The following VWC2 variants were observed in gnomAD, a reference collection of about 807,000 sequenced individuals.
VWC2 encodes the protein brorin.
A neutral mutation model predicts 29.8 loss-of-function variants in VWC2; 14 were observed. The observed-to-expected ratio is 0.47, with a 90% CI of 0.31 to 0.74. The LOEUF (loss-of-function observed/expected upper bound fraction) is 0.74, where lower values mean the gene tolerates loss of function less well. VWC2 is among the 30% of genes least tolerant of loss of function. The probability of loss-of-function intolerance (pLI) is 0.05; values close to 1 mark genes in which losing one functional copy is unlikely to be tolerated. For synonymous variants in VWC2, 213 were observed against 199.0 expected, an observed-to-expected ratio of 1.07 and a Z score of -0.59; for missense variants, 457 against 459.8, an observed-to-expected ratio of 0.99 and a Z score of 0.05.
rs183017042 is a variant in VWC2, at chr7:49,865,600, C to G, written c.827-46434C>G. On this transcript the variant is annotated intron_variant, in intron 3 of 3. Coordinates refer to ENST00000340652, the MANE Select transcript of VWC2 (RefSeq NM_198570.5). The stretch of plus-strand genomic sequence containing the variant: ...GACTCCAAAAAGCATCAAGAGAGGG[C>G]AAACTCCAATATGCAAGTATTTTTG... Among the ~76,000 whole-genome samples, 3 of 152,324 alleles carry G rather than the reference C, an allele frequency of 2.0e-5. No individual in the cohort carries two copies. In the East Asian group the frequency reaches 5.8e-4, roughly 29 times the overall value.
chr7:49,911,830 G>A (rs941594251), intron 3 of VWC2, among the ~76,000 whole-genome samples: 2 of 151,776 alleles, frequency 1.3e-5, no homozygotes, highest in Admixed American at 6.6e-5. Context: ...CCGGGAGGCA[G>A]AAGTTGCAGT....
chr7:49,895,298 A>G (rs1792327796), intron 3 of VWC2, among the ~76,000 whole-genome samples: 1 of 152,156 alleles, frequency 6.6e-6, no homozygotes, highest in South Asian at 2.1e-4. Context: ...TCATGACTTA[A>G]TCACCTCCTG....
chr7:49,852,689 T>TG (rs142784684), intron 3 of VWC2, among the ~76,000 whole-genome samples: 8,014 of 152,098 alleles, frequency 0.053, 697 homozygotes, highest in African/African-American at 0.18. Flanking sequence ...GTGTGACGGA[T>TG]GGGGGACGGG....
chr7:49,784,163 T>C (rs1264417044), intron 2 of VWC2, among the ~76,000 whole-genome samples: 4 of 152,342 alleles, frequency 2.6e-5, no homozygotes, highest in Non-Finnish European at 4.4e-5. Flanking sequence ...ATTACATGGA[T>C]ACACTGCGTA....
At chr7:49,903,782 A>G (rs1377771104) in intron 3 of VWC2, among the ~76,000 whole-genome samples, 1 of 152,238 alleles carries the variant, frequency 6.6e-6, no homozygotes. Flanking sequence ...ACAGGGACAC[A>G]CACAAAGAGT....
chr7:49,822,886 C>T (rs992847734), intron 3 of VWC2, among the ~76,000 whole-genome samples: 4 of 152,202 alleles, frequency 2.6e-5, no homozygotes, highest in Non-Finnish European at 5.9e-5. Flanking sequence ...TGTATAGACA[C>T]AGCACACTTC....
chr7:49,821,665 A>G (rs1789264522), intron 3 of VWC2, among the ~76,000 whole-genome samples: 1 of 139,568 alleles, frequency 7.2e-6, no homozygotes. Flanking sequence ...TTCTTGGATG[A>G]AAAAAAAAAA....
At chr7:49,798,128 T>C (rs1788640450) in intron 2 of VWC2, among the ~76,000 whole-genome samples, 1 of 152,242 alleles carries the variant, frequency 6.6e-6, no homozygotes, top group Non-Finnish European at 1.5e-5. Flanking sequence ...TTACCTTTAG[T>C]TTCCATGTGG....
At chr7:49,852,213 A>G (rs1448580358) in intron 3 of VWC2, among the ~76,000 whole-genome samples, 1 of 152,142 alleles carries the variant, frequency 6.6e-6, no homozygotes, top group Admixed American at 6.5e-5. Flanking sequence ...GCCTGCATCA[A>G]AAGTCCAGCC....
intron 3 of VWC2, among the ~76,000 whole-genome samples, chr7:49,829,465 A>C (rs992260338): frequency 3.3e-5 from 5 of 152,190 alleles, no homozygotes; most frequent in Admixed American, 2.6e-4. Context: ...CCCCCGGTTA[A>C]GATTCTGGCA....
rs1788600934 is a variant in VWC2, at chr7:49,796,778, C to T, written c.697-5933C>T. Among the ~76,000 whole-genome samples the T allele has an allele frequency of 2.0e-5, 3 of 152,176 alleles. No homozygotes were observed. The South Asian group carries it at 6.2e-4, about 32-fold the overall frequency. ...AAATTAAACAAGGCAAAGCTTCTTA[C>T]AGATGGATGCCTAATTGGACTTAAG... On this transcript the variant is annotated intron_variant, in intron 2 of 3. Transcript: ENST00000340652.
At chr7:49,864,500 AGCTCTTTCTGG>A (rs1448466226) in intron 3 of VWC2, among the ~76,000 whole-genome samples, 1 of 152,176 alleles carries the variant, frequency 6.6e-6, no homozygotes, top group Non-Finnish European at 1.5e-5. Flanking sequence ...ATCCCAAGGA[AGCTCTTTCTGG>A]GCTCTTTCTC....
intron 3 of VWC2, among the ~76,000 whole-genome samples, chr7:49,849,150 C>T (rs532057636): frequency 6.6e-6 from 1 of 152,210 alleles, no homozygotes; most frequent in African/African-American, 2.4e-5. Context: ...AGTTCATACC[C>T]TACAGTCCCA....
chr7:49,854,012 G>T (rs1316363105), intron 3 of VWC2, among the ~76,000 whole-genome samples: 2 of 151,940 alleles, frequency 1.3e-5, no homozygotes, highest in Non-Finnish European at 2.9e-5. Context: ...ATGGTTTCCA[G>T]CTTCATCCAT....
chr7:49,845,405 TCAA>T (rs1167725308), intron 3 of VWC2, among the ~76,000 whole-genome samples: 1 of 152,198 alleles, frequency 6.6e-6, no homozygotes, highest in Non-Finnish European at 1.5e-5. Context: ...ATCTATAATT[TCAA>T]CAACAATGCT....
intron 3 of VWC2, among the ~76,000 whole-genome samples, chr7:49,830,946 C>T (rs1219646812): frequency 1.3e-5 from 2 of 152,128 alleles, no homozygotes; most frequent in African/African-American, 2.4e-5. Flanking sequence ...GGTTCCAAGT[C>T]TTTGCTATTG....
intron 3 of VWC2, among the ~76,000 whole-genome samples, chr7:49,854,339 C>A (rs13310601): frequency 1.5e-4 from 23 of 152,054 alleles, no homozygotes; most frequent in African/African-American, 5.1e-4. Flanking sequence ...ACAATGTAAA[C>A]GTGTTCCTAT....
At position 49,806,606 on chromosome 7, in the gene VWC2, T is replaced by C. The variant is rs555164785; in HGVS notation, c.826+3766T>C. 7.2e-5 allele frequency among the ~76,000 whole-genome samples: 11 copies of C among 152,312 alleles called. No homozygotes were observed. The South Asian group carries it at 2.3e-3, about 32-fold the overall frequency. The stretch of plus-strand genomic sequence containing the variant: ...TTAAACATACGTTCATGGGAAAATA[T>C]GTAAGAAGCACTGACTGAGAATTAG... On this transcript the variant is annotated intron_variant, in intron 3 of 3. Transcript: ENST00000340652.
At chr7:49,790,712 A>G (rs946249561) in intron 2 of VWC2, among the ~76,000 whole-genome samples, 1 of 151,162 alleles carries the variant, frequency 6.6e-6, no homozygotes, top group African/African-American at 2.4e-5. Flanking sequence ...GGGGTCGGGG[A>G]CTCAGGCTGC....
Sources: allele counts gnomAD v4.1 joint callset (sites outside exome capture counted in the v4.1 genomes callset), GRCh38; gene constraint gnomAD v4.1.1; transcripts MANE v1.5; gene names NCBI Gene and HGNC (gene_info 2026-07-23, HGNC 2026-07-21).